EXOC4: variants seen among roughly 807,000 people sequenced by gnomAD.
EXOC4 encodes exocyst complex component 4, also known as SEC8-like 1.
In EXOC4, 71 loss-of-function variants were observed where a neutral mutation model predicts 107.2. The observed-to-expected ratio is 0.66, with a 90% CI of 0.55 to 0.81. The LOEUF (loss-of-function observed/expected upper bound fraction) is 0.81. EXOC4 is among the 30% of genes least tolerant of loss of function. The pLI, the probability that EXOC4 is intolerant of heterozygous loss-of-function variation, is 0.00. For missense variants in EXOC4, 1,108 were observed against 1,189.6 expected, an observed-to-expected ratio of 0.93 and a Z score of 1.01; for synonymous variants, 456 against 441.2, an observed-to-expected ratio of 1.03 and a Z score of -0.42.
intron 11 of EXOC4, among the ~76,000 whole-genome samples, chr7:133,882,142 G>A (rs1349604950): frequency 6.6e-6 from 1 of 152,192 alleles, no homozygotes; most frequent in Non-Finnish European, 1.5e-5. Flanking sequence ...TCGGCATTAT[G>A]TCTGTGATAT....
downstream of EXOC4, among the ~76,000 whole-genome samples, chr7:134,067,011 G>A (rs1358545953): frequency 6.6e-6 from 1 of 151,856 alleles, no homozygotes; most frequent in East Asian, 1.9e-4. Flanking sequence ...ATTAGCTGGT[G>A]TGGTGGTGCA....
chr7:133,888,728 G>A (rs1027670019), intron 11 of EXOC4, among the ~76,000 whole-genome samples: 10 of 152,100 alleles, frequency 6.6e-5, no homozygotes, highest in Non-Finnish European at 2.9e-5. Flanking sequence ...CTGTAATCTC[G>A]TGAGAAAATG....
At chr7:133,837,018 A>G (rs1327770415) in intron 11 of EXOC4, among the ~76,000 whole-genome samples, 1 of 152,144 alleles carries the variant, frequency 6.6e-6, no homozygotes, top group Non-Finnish European at 1.5e-5. Context: ...TTAAAGATTT[A>G]ATTATACCTG....
the EXOC4 span, among the ~76,000 whole-genome samples, chr7:134,098,581 C>T: frequency 6.6e-5 from 10 of 152,132 alleles, no homozygotes; most frequent in Non-Finnish European, 1.5e-4. Context: ...CAGCTGAGAA[C>T]ATCAGTACTT....
chr7:134,040,538 C>G (rs982987808), intron 17 of EXOC4, among the ~76,000 whole-genome samples: 1 of 152,122 alleles, frequency 6.6e-6, no homozygotes, highest in African/African-American at 2.4e-5. Context: ...TGCCATGTTA[C>G]TTGAAACCTC....
intron 11 of EXOC4, among the ~76,000 whole-genome samples, chr7:133,877,341 T>C (rs1045682854): frequency 2.6e-5 from 4 of 152,228 alleles, no homozygotes; most frequent in Non-Finnish European, 5.9e-5. Flanking sequence ...TATTGGATGC[T>C]AGACATGCGA....
At chr7:133,679,414 A>G (rs1794135893) in intron 10 of EXOC4, among the ~76,000 whole-genome samples, 1 of 152,062 alleles carries the variant, frequency 6.6e-6, no homozygotes. Flanking sequence ...TCCCTCCATG[A>G]TGTTAATGTT....
At chr7:133,415,895 A>G (rs12164140) in intron 7 of EXOC4, among the ~76,000 whole-genome samples, 1 of 152,202 alleles carries the variant, frequency 6.6e-6, no homozygotes, top group African/African-American at 2.4e-5. Flanking sequence ...GCTTTGGTGC[A>G]TGCTTACATT....
intron 7 of EXOC4, among the ~76,000 whole-genome samples, chr7:133,393,154 A>G (rs1032681677): frequency 6.6e-6 from 1 of 152,112 alleles, no homozygotes; most frequent in Non-Finnish European, 1.5e-5. Flanking sequence ...TGAAGCATCC[A>G]TTGATCATTT....
intron 9 of EXOC4, among the ~76,000 whole-genome samples, chr7:133,504,725 A>G (rs1482168844): frequency 1.3e-5 from 2 of 152,112 alleles, no homozygotes; most frequent in Non-Finnish European, 2.9e-5. Context: ...ATATCTGAAT[A>G]GATATTTATT....
intron 9 of EXOC4, among the ~76,000 whole-genome samples, chr7:133,531,718 A>G (rs1800184772): frequency 6.6e-6 from 1 of 152,178 alleles, no homozygotes; most frequent in African/African-American, 2.4e-5. Context: ...TTGAGAATTC[A>G]GTTGTACTGC....
intron 7 of EXOC4, among the ~76,000 whole-genome samples, chr7:133,436,755 CA>C (rs779074343): frequency 6.6e-6 from 1 of 152,066 alleles, no homozygotes; most frequent in East Asian, 1.9e-4. Context: ...GTGTTCTATG[CA>C]AAAAAACTCC....
chr7:134,074,092 C>T, the EXOC4 span, among the ~76,000 whole-genome samples: 1 of 152,136 alleles, frequency 6.6e-6, no homozygotes, highest in African/African-American at 2.4e-5. Flanking sequence ...AGCTGGATGT[C>T]GTGGAGCTAC....
intron 9 of EXOC4, among the ~76,000 whole-genome samples, chr7:133,481,523 G>A (rs1799157541): frequency 6.6e-6 from 1 of 152,136 alleles, no homozygotes. Flanking sequence ...TTGATTTAAA[G>A]ACTATTGCCT....
At chr7:134,075,871 CAGCT>C in the EXOC4 span, among the ~76,000 whole-genome samples, 1 of 152,232 alleles carries the variant, frequency 6.6e-6, no homozygotes, top group Non-Finnish European at 1.5e-5. Context: ...ACCACTCACT[CAGCT>C]AGGGTTCCAG....
At position 133,452,294 on chromosome 7, in the gene EXOC4, GA is replaced by G. The variant is rs561522990; in HGVS notation, c.1183-23026del. Among the ~76,000 whole-genome samples, 572 of 151,340 alleles carry G rather than the reference GA, an allele frequency of 3.8e-3. 3 individuals carry two copies. The highest frequency in any genetic ancestry group is 6.1e-3 in the Non-Finnish European group (414 of 67,732). Reference sequence around the variant, plus strand: ...AAGACCCTAAGAAGTATAAGATTAGGAAAAAAAAGTAAAACTACCTTAAATG... The same window carrying G: ...AAGACCCTAAGAAGTATAAGATTAGGAAAAAAAGTAAAACTACCTTAAATG... On this transcript the variant is annotated intron_variant, in intron 7 of 17. Transcript: ENST00000253861.
At chr7:133,658,597 T>C (rs1803357882) in intron 10 of EXOC4, among the ~76,000 whole-genome samples, 1 of 152,142 alleles carries the variant, frequency 6.6e-6, no homozygotes, top group Non-Finnish European at 1.5e-5. Context: ...GTCTTTGGGG[T>C]AACGCTGCAG....
intron 10 of EXOC4, among the ~76,000 whole-genome samples, chr7:133,811,388 C>A (rs965130052): frequency 4.6e-5 from 7 of 152,124 alleles, no homozygotes; most frequent in African/African-American, 1.7e-4. Context: ...TTATTCTCTT[C>A]TATACCCTTG....
chr7:133,799,647 A>G (rs965939988), intron 10 of EXOC4, among the ~76,000 whole-genome samples: 15 of 152,234 alleles, frequency 9.9e-5, no homozygotes, highest in Non-Finnish European at 1.5e-4. Flanking sequence ...TAAGAGGACC[A>G]TGCAAACCAG....
Sources: allele counts gnomAD v4.1 joint callset (sites outside exome capture counted in the v4.1 genomes callset), GRCh38; gene constraint gnomAD v4.1.1; transcripts MANE v1.5; gene names NCBI Gene and HGNC (gene_info 2026-07-23, HGNC 2026-07-21).